RRBP1: variants seen among roughly 807,000 people sequenced by gnomAD.
The protein encoded by RRBP1 is ribosome binding protein 1.
A neutral mutation model predicts 165.2 loss-of-function variants in RRBP1; 94 were observed. The ratio of observed to expected loss-of-function variants is 0.57; its 90% CI spans 0.48 to 0.68. The LOEUF is 0.68. RRBP1 is among the 30% of genes least tolerant of loss of function. RRBP1 has a pLI of 0.00. For synonymous variants in RRBP1, 680 were observed against 714.5 expected (o/e 0.95, Z 0.77); for missense variants, 1,676 against 1,763.0 (o/e 0.95, Z 0.88).
intron 5 of RRBP1, among the ~76,000 whole-genome samples, chr20:17,638,991 C>T (rs912977659): frequency 6.6e-6 from 1 of 152,338 alleles, no homozygotes; most frequent in South Asian, 2.1e-4. Flanking sequence ...GGCCTTGGGG[C>T]TCCTTCTGTT....
At chr20:17,645,347 C>T (rs1356985337) in intron 3 of RRBP1, among the ~76,000 whole-genome samples, 1 of 152,228 alleles carries the variant, frequency 6.6e-6, no homozygotes, top group Non-Finnish European at 1.5e-5. Flanking sequence ...TAACGTAATT[C>T]CATTCTATTA....
At chr20:17,619,507 G>C in intron 19 of RRBP1, 126 bp downstream of exon 19, 2 of 632,242 alleles carry the variant, frequency 3.2e-6, no homozygotes, top group Non-Finnish European at 5.2e-6. Flanking sequence ...TCGGGCAAAC[G>C]CCTGAGGACT....
chr20:17,668,679 C>A (rs2036915729), intron 2 of RRBP1, among the ~76,000 whole-genome samples: 1 of 152,198 alleles, frequency 6.6e-6, no homozygotes, highest in Non-Finnish European at 1.5e-5. Flanking sequence ...AGGGTACAGC[C>A]CTTCAAGGGT....
At chr20:17,648,697 T>C (rs983054115) in intron 3 of RRBP1, among the ~76,000 whole-genome samples, 24 of 152,330 alleles carry the variant, frequency 1.6e-4, no homozygotes, top group African/African-American at 5.5e-4. Context: ...ATCCTATAGA[T>C]TGAAGAACTG....
chr20:17,620,881 C>G (rs2035901420), intron 16 of RRBP1, 74 bp from the exon 17 acceptor site: 3 of 1,110,182 alleles, frequency 2.7e-6, no homozygotes. Flanking sequence ...TCTTCCTGTC[C>G]CTGCAGCCCT....
intron 9 of RRBP1, 119 bp downstream of exon 9, chr20:17,629,704 G>T: frequency 9.3e-7 from 1 of 1,072,362 alleles, no homozygotes; most frequent in Non-Finnish European, 1.3e-6. Flanking sequence ...CAAGGGATCC[G>T]TGCTGCCCTC....
chr20:17,625,638 A>T, intron 11 of RRBP1, 36 bp from the exon 12 acceptor site: 1 of 1,566,200 alleles, frequency 6.4e-7, no homozygotes, highest in Non-Finnish European at 8.8e-7. Context: ...CCTAGGCTCC[A>T]AGGGGCTACA....
chr20:17,639,374 C>G (rs2122348185), intron 5 of RRBP1, among the ~76,000 whole-genome samples: 1 of 152,376 alleles, frequency 6.6e-6, no homozygotes. Context: ...CCTTCAGCAT[C>G]AGACCCCAAG....
rs2035740627 is a variant in RRBP1, at chr20:17,613,945, G to C, written c.*237C>G. 2 of 515,008 alleles carry C rather than the reference G, an allele frequency of 3.9e-6. No individual in the cohort carries two copies. Among genetic ancestry groups the C allele is most frequent in the Non-Finnish European group, 6.9e-6 (2 of 288,144 alleles). 31.9% of individuals were successfully genotyped at this position (515,008 alleles called of 1,614,324 possible). On this transcript the variant is annotated 3_prime_UTR_variant, in exon 25 of 25. Transcript: ENST00000377813. Reference sequence around the variant, plus strand: ...ACCAGGGCTTTGGCGTCACTCGGCGGTGGCCCGGGGCTGCGCCCAGGATAG... The same window carrying C: ...ACCAGGGCTTTGGCGTCACTCGGCGCTGGCCCGGGGCTGCGCCCAGGATAG...
intron 13 of RRBP1, among the ~76,000 whole-genome samples, chr20:17,624,137 G>A (rs1002758613): frequency 6.6e-6 from 1 of 152,238 alleles, no homozygotes; most frequent in Non-Finnish European, 1.5e-5. Context: ...GCCCATCAAG[G>A]GGGCACCCCC....
intron 20 of RRBP1, among the ~76,000 whole-genome samples, chr20:17,618,371 T>TG (rs1210351310): frequency 6.6e-6 from 1 of 152,066 alleles, no homozygotes. Flanking sequence ...GGACGGGAGA[T>TG]GGAGTGGGAG....
chr20:17,640,781 C>G (rs906560346), intron 5 of RRBP1, among the ~76,000 whole-genome samples: 1 of 152,200 alleles, frequency 6.6e-6, no homozygotes, highest in African/African-American at 2.4e-5. Context: ...CCATCCCCCA[C>G]CCAGTGAACT....
intron 23 of RRBP1, among the ~76,000 whole-genome samples, 182 bp downstream of exon 23, chr20:17,615,249 A>G (rs1021579365): frequency 6.6e-6 from 1 of 152,172 alleles, no homozygotes; most frequent in Non-Finnish European, 1.5e-5. Flanking sequence ...CCATGTGACC[A>G]TGTGACACTG....
At chr20:17,669,211 T>A (rs1465256559) in intron 2 of RRBP1, among the ~76,000 whole-genome samples, 1 of 152,246 alleles carries the variant, frequency 6.6e-6, no homozygotes, top group Non-Finnish European at 1.5e-5. Flanking sequence ...ATCAGCCATT[T>A]CAGATTCAAT....
In RRBP1 at chr20:17,629,890, C is replaced by G; in HGVS notation, c.2682G>C (p.Thr894=). The G allele has an allele frequency of 6.2e-7, 1 of 1,600,272 alleles. No homozygotes were observed. The highest frequency in any genetic ancestry group is 8.5e-7 in the Non-Finnish European group (1 of 1,179,476). ...LDEVSRELCH[T]QSSHASLRAD... is the part of the protein sequence containing the mutation. ...CCCGGAGGCTGGCGTGGCTGCTCTG[C>G]GTGTGGCACAGCTCCCGGCTGACCT... Residue 894 remains threonine (T), a synonymous_variant, in exon 9 of 25, where the codon ACG becomes ACC. Coordinates refer to ENST00000377813, the MANE Select transcript of RRBP1 (RefSeq NM_001365613.2).
At chr20:17,656,580 T>C (rs1393353924) in intron 3 of RRBP1, among the ~76,000 whole-genome samples, 1 of 152,190 alleles carries the variant, frequency 6.6e-6, no homozygotes, top group Non-Finnish European at 1.5e-5. Flanking sequence ...CTCATTCAAG[T>C]TCTCAGTCAG....
At chr20:17,642,740 T>TCCCAC (rs1260204587) in intron 4 of RRBP1, among the ~76,000 whole-genome samples, 2 of 151,944 alleles carry the variant, frequency 1.3e-5, no homozygotes, top group African/African-American at 4.8e-5. Context: ...GCTCCCTAGA[T>TCCCAC]CCCATACCCT....
chr20:17,647,431 A>T (rs2036483778), intron 3 of RRBP1, among the ~76,000 whole-genome samples: 1 of 152,210 alleles, frequency 6.6e-6, no homozygotes, highest in Non-Finnish European at 1.5e-5. Flanking sequence ...AAGTCTTCAT[A>T]GGCCCTGGGA....
chr20:17,625,574 C>G lies in RRBP1; in HGVS notation c.2992G>C (p.Gly998Arg), dbSNP rs1310164054. 6.2e-7 allele frequency: 1 copy of G among 1,613,856 alleles called. No individual in the cohort carries two copies. The highest frequency in any genetic ancestry group is 8.5e-7 in the Non-Finnish European group (1 of 1,179,956). The change falls in exon 12 of 25, where the codon GGT (glycine) becomes CGT (arginine). Residue 998 changes from glycine (G) to arginine (R), a missense_variant. Physicochemically the swap from Gly to Arg is moderately radical, Grantham distance 125. This residue lies in a region of RRBP1 where 1,184 missense variants were observed against 1,167.1 expected (regional missense o/e 1.01). Transcript: ENST00000377813. ...AGCTCGATGGCCTCCTTCTCCAGAC[C>G]CGACACCTGGGACTCCAGCTCCTTG... ...RLKELESQVS[G>R]LEKEAIELRE...
Sources: allele counts gnomAD v4.1 joint callset (sites outside exome capture counted in the v4.1 genomes callset), GRCh38; gene constraint gnomAD v4.1.1; regional missense constraint gnomAD v4.1.1; transcripts MANE v1.5; gene names NCBI Gene and HGNC (gene_info 2026-07-23, HGNC 2026-07-21).